Variants in ZNF282 observed in about 807,000 individuals in gnomAD.
The protein encoded by ZNF282 is HTLV-I U5 repressive element-binding protein 1.
A neutral mutation model predicts 61.9 loss-of-function variants in ZNF282; 30 were observed. That is an observed-to-expected ratio of 0.48 (90% CI 0.36 to 0.66). The LOEUF (loss-of-function observed/expected upper bound fraction) is 0.66, where lower values mean the gene tolerates loss of function less well. Ranked by LOEUF, ZNF282 falls within the 30% of genes least tolerant of loss-of-function variation. The probability of loss-of-function intolerance (pLI) is 0.00; values close to 1 mark genes in which losing one functional copy is unlikely to be tolerated. For missense variants in ZNF282, 788 were observed against 941.4 expected, an observed-to-expected ratio of 0.84 and a Z score of 2.13; for synonymous variants, 396 against 405.0, an observed-to-expected ratio of 0.98 and a Z score of 0.27.
chr7:149,200,399 G>A (rs912816535), intron 2 of ZNF282, among the ~76,000 whole-genome samples: 3 of 152,124 alleles, frequency 2.0e-5, no homozygotes, highest in African/African-American at 4.8e-5. Flanking sequence ...ACCCCTTGCC[G>A]TGGCTTCTGG....
At chr7:149,217,438 C>T (rs1796174602) in intron 7 of ZNF282, among the ~76,000 whole-genome samples, 1 of 152,108 alleles carries the variant, frequency 6.6e-6, no homozygotes, top group Non-Finnish European at 1.5e-5. Context: ...GTGGTGGGCA[C>T]CTGTAACTCC....
At chr7:149,203,940 T>TA (rs1795953191) in intron 2 of ZNF282, among the ~76,000 whole-genome samples, 4 of 152,184 alleles carry the variant, frequency 2.6e-5, no homozygotes, top group Admixed American at 6.5e-5. Flanking sequence ...CAGCCCAGCC[T>TA]AAAAAATAAT....
At chr7:149,209,020 CAAAA>C (rs58064988) in intron 4 of ZNF282, among the ~76,000 whole-genome samples, 1 of 61,726 alleles carries the variant, frequency 1.6e-5, no homozygotes, top group Non-Finnish European at 3.1e-5. Context: ...GACTTCATCT[CAAAA>C]AAAAAAAAAG....
chr7:149,212,572 T>TA (rs1293533209), intron 6 of ZNF282, 101 bp downstream of exon 6: 11 of 975,786 alleles, frequency 1.1e-5, no homozygotes, highest in Non-Finnish European at 1.4e-5. Flanking sequence ...ATACTAAAAT[T>TA]ACTTCAGCAC....
At chr7:149,218,119 A>AAGAGAG (rs61408566) in intron 7 of ZNF282, among the ~76,000 whole-genome samples, 26 of 149,938 alleles carry the variant, frequency 1.7e-4, no homozygotes, top group African/African-American at 5.2e-4. Flanking sequence ...AAAAAAAAAA[A>AAGAGAG]AGAGAGAGAG....
At chr7:149,214,938 G>T (rs1382178768) in intron 7 of ZNF282, among the ~76,000 whole-genome samples, 1 of 152,232 alleles carries the variant, frequency 6.6e-6, no homozygotes, top group Non-Finnish European at 1.5e-5. Context: ...GAGAAAGGGA[G>T]GATTGTTTTC....
chr7:149,218,206 G>A (rs1202393), intron 7 of ZNF282, among the ~76,000 whole-genome samples: 22,179 of 152,108 alleles, frequency 0.15, 1,781 homozygotes, highest in African/African-American at 0.21. Context: ...GATTGGCGGG[G>A]GGTGCGGAGC....
At chr7:149,211,223 A>G (rs1488354367) in intron 5 of ZNF282, among the ~76,000 whole-genome samples, 1 of 152,224 alleles carries the variant, frequency 6.6e-6, no homozygotes, top group Non-Finnish European at 1.5e-5. Context: ...TAGCAGATGT[A>G]TGTATCAATC....
At chr7:149,207,759 C>G (rs184560510) in intron 4 of ZNF282, among the ~76,000 whole-genome samples, 1 of 152,256 alleles carries the variant, frequency 6.6e-6, no homozygotes, top group African/African-American at 2.4e-5. Context: ...CTTAGGCTTA[C>G]GCTACCGCCC....
At chr7:149,216,234 G>T (rs1453747609) in intron 7 of ZNF282, among the ~76,000 whole-genome samples, 1 of 152,136 alleles carries the variant, frequency 6.6e-6, no homozygotes, top group Non-Finnish European at 1.5e-5. Flanking sequence ...AAATAGCTGG[G>T]ACTACAGGCA....
At chr7:149,202,381 G>A (rs919772436) in intron 2 of ZNF282, among the ~76,000 whole-genome samples, 1 of 151,208 alleles carries the variant, frequency 6.6e-6, no homozygotes, top group African/African-American at 2.4e-5. Context: ...GTGCGAACTC[G>A]GCTCACTGTA....
chr7:149,224,500 C>G lies in ZNF282; in HGVS notation c.1869C>G (p.Ile623Met). ...RKQNLLKHQR[I>M]HTGERPYTCG... ...AGAACCTGCTCAAGCACCAGCGCAT[C>G]CACACGGGCGAGCGCCCCTACACGT... Residue 623 changes from isoleucine (I) to methionine (M), a missense_variant, in exon 8 of 8, where the codon ATC (isoleucine) becomes ATG (methionine). By Grantham distance (10) the Ile-to-Met change is conservative (BLOSUM62 1). Transcript: ENST00000610704. 1 of 1,612,772 alleles carries G rather than the reference C, an allele frequency of 6.2e-7. No individual in the cohort carries two copies. The highest frequency in any genetic ancestry group is 8.5e-7 in the Non-Finnish European group (1 of 1,179,764).
At chr7:149,222,553 A>G (rs1235518191) in intron 7 of ZNF282, among the ~76,000 whole-genome samples, 1 of 152,152 alleles carries the variant, frequency 6.6e-6, no homozygotes, top group Non-Finnish European at 1.5e-5. Context: ...TTGGGAGGCC[A>G]AGGTGGGAGG....
rs773201147 is a variant in ZNF282 at position 149,224,622 on chromosome 7, TCCCGCC to T, written c.1992_1997del (p.Pro667_Pro668del). On this transcript the variant is annotated inframe_deletion, in exon 8 of 8. Transcript: ENST00000610704. ...CCGGGCCCCGGCGCCCCACGGCAGC[TCCCGCC>T]GCCTCCTGAGCGAGACTAGGGCTGG... The T allele has an allele frequency of 6.5e-7, 1 of 1,535,740 alleles. No homozygotes were observed. Among genetic ancestry groups the T allele is most frequent in the South Asian group, 1.2e-5 (1 of 84,350 alleles).
At chr7:149,201,886 A>G (rs1459684721) in intron 2 of ZNF282, among the ~76,000 whole-genome samples, 1 of 152,034 alleles carries the variant, frequency 6.6e-6, no homozygotes. Context: ...GCTCACTCCC[A>G]TCTGTGCTGT....
rs1426928439 is a variant in ZNF282 at position 149,195,641 on chromosome 7, C to T, written c.52C>T (p.Leu18=). 5 of 1,608,424 alleles carry T rather than the reference C, an allele frequency of 3.1e-6. No homozygotes were observed. The highest frequency in any genetic ancestry group is 2.2e-5 in the East Asian group (1 of 44,534). The change falls in exon 1 of 8, where the codon CTG becomes TTG. Residue 18 remains leucine, a synonymous_variant. Transcript: ENST00000610704. ...PQPQQLGIQG[L]GLDSGSWSWA... ...GCCTCAGCAGCTGGGCATCCAGGGC[C>T]TGGGGCTGGACAGCGGGAGCTGGAG...
rs1406313792 is a variant in ZNF282 at position 149,223,848 on chromosome 7, C to T, written c.1217C>T (p.Ala406Val). 2.8e-6 allele frequency: 4 copies of T among 1,404,170 alleles called. No homozygotes were observed. The highest frequency in any genetic ancestry group is 2.5e-5 in the Admixed American group (1 of 39,886). The allele number at this position is 1,404,170 out of a possible 1,614,324, so 87.0% of individuals were successfully genotyped here. Residue 406 changes from alanine to valine, a missense_variant, in exon 8 of 8, where the codon GCC (alanine) becomes GTC (valine). Around this residue, in one of 3 missense-constraint regions of ZNF282, gnomAD observed 559 missense variants for 642.0 expected, o/e 0.87. Transcript: ENST00000610704. ...SLLMVKNPPP[A>V]PPQPQPQPQP... ...CTGATGGTGAAGAACCCACCCCCGG[C>T]CCCGCCACAGCCCCAGCCCCAGCCC...
chr7:149,204,371 G>A (rs983740547), intron 2 of ZNF282, among the ~76,000 whole-genome samples: 5 of 152,158 alleles, frequency 3.3e-5, no homozygotes, highest in African/African-American at 1.2e-4. Flanking sequence ...ATGCATAGAT[G>A]GTGAAGAGGA....
chr7:149,209,088 G>A (rs1185004612), intron 4 of ZNF282, among the ~76,000 whole-genome samples: 1 of 150,376 alleles, frequency 6.6e-6, no homozygotes, highest in Non-Finnish European at 1.5e-5. Flanking sequence ...AAAGGCCGAG[G>A]AGGGCGAATC....
Sources: allele counts gnomAD v4.1 joint callset (sites outside exome capture counted in the v4.1 genomes callset), GRCh38; gene constraint gnomAD v4.1.1; regional missense constraint gnomAD v4.1.1; transcripts MANE v1.5; gene names NCBI Gene and HGNC (gene_info 2026-07-23, HGNC 2026-07-21).